The following CTBP1 variants were observed in gnomAD, a reference collection of about 807,000 sequenced individuals.
The protein encoded by CTBP1 is C-terminal-binding protein 1.
CTBP1 carries 11 observed loss-of-function variants against 42.1 expected under a neutral mutation model. The observed-to-expected ratio is 0.26, with a 90% CI of 0.16 to 0.43. The LOEUF is 0.43. Among genes scored for constraint, CTBP1 ranks in the 20% least tolerant of loss-of-function variants. The pLI is 1.00. For missense variants in CTBP1, 399 were observed against 624.3 expected (o/e 0.64, Z 3.85); for synonymous variants, 324 against 277.1 (o/e 1.17, Z -1.68).
intron 7 of CTBP1, 52 bp from the exon 8 acceptor site, chr4:1,213,657 C>A (rs375802222): frequency 5.1e-6 from 8 of 1,584,142 alleles, no homozygotes; most frequent in Middle Eastern, 1.8e-4. Context: ...TGGCTGGGTA[C>A]GGAGGGGAGG....
intron 1 of CTBP1, 72 bp downstream of exon 1, chr4:1,248,844 C>A: frequency 1.1e-6 from 1 of 910,040 alleles, no homozygotes; most frequent in Non-Finnish European, 1.3e-6. Flanking sequence ...GCCCCCGCGC[C>A]CCCCGCCCGC....
chr4:1,243,937 G>A (rs1732447385), intron 1 of CTBP1: 3 of 985,328 alleles, frequency 3.0e-6, no homozygotes, highest in African/African-American at 1.7e-5. Flanking sequence ...AGCACTCAAG[G>A]GACCCACGAG....
intron 1 of CTBP1, chr4:1,245,531 C>G: frequency 1.0e-6 from 1 of 985,372 alleles, no homozygotes; most frequent in East Asian, 1.1e-4. Flanking sequence ...AGCCCCCACA[C>G]CACAGACGGG....
intron 1 of CTBP1, among the ~76,000 whole-genome samples, chr4:1,247,776 G>GT (rs1732885780): frequency 6.6e-6 from 1 of 151,592 alleles, no homozygotes; most frequent in Admixed American, 6.6e-5. Context: ...GAGGGGGGGG[G>GT]GGCTCGGGCT....
upstream of CTBP1, chr4:1,249,653 C>T (rs1178875551): frequency 2.3e-6 from 1 of 426,712 alleles, no homozygotes; most frequent in South Asian, 1.6e-5. Flanking sequence ...ATTTACCGTC[C>T]GAGAGCCGGC....
chr4:1,217,078 G>A (rs1176261151), intron 5 of CTBP1: 1 of 152,450 alleles, frequency 6.6e-6, no homozygotes, highest in African/African-American at 2.4e-5. Context: ...GGAGACATAA[G>A]GGGACAGGAA....
intron 2 of CTBP1, among the ~76,000 whole-genome samples, chr4:1,239,824 G>C (rs1482361515): frequency 1.3e-5 from 2 of 152,220 alleles, no homozygotes; most frequent in Admixed American, 6.5e-5. Flanking sequence ...CCAAACGTGA[G>C]GTCTGCACGG....
rs891033621 is a variant in CTBP1 at position 1,238,434 on chromosome 4, G to A, written c.8-97C>T. 2.7e-5 allele frequency: 38 copies of A among 1,399,808 alleles called. No homozygotes were observed. In the Admixed American group the frequency reaches 4.6e-4, roughly 17 times the overall value. 86.7% of individuals were successfully genotyped at this position (1,399,808 alleles called of 1,614,324 possible). On this transcript the variant is annotated intron_variant, in intron 2 of 9. Coordinates refer to ENST00000382952, the MANE Select transcript of CTBP1 (RefSeq NM_001012614.2). The surrounding 1 kb of genome is among the most constrained non-coding windows in gnomAD (Gnocchi z 5.9). ...CACTGTGCACGGGCCAACGAGGGCC[G>A]ACCGCCGGGGGTTTTCTGGTCTATA...
chr4:1,216,010 T>C lies in CTBP1; in HGVS notation c.710A>G (p.Asn237Ser). 1 of 1,611,062 alleles carries C rather than the reference T, an allele frequency of 6.2e-7. No homozygotes were observed. The highest frequency in any genetic ancestry group is 8.5e-7 in the Non-Finnish European group (1 of 1,179,620). Residue 237 changes from asparagine (N) to serine (S), a missense_variant, in exon 6 of 10, where the codon AAC (asparagine) becomes AGC (serine). Transcript: ENST00000382952. Reference sequence around the variant, plus strand: ...ACGCACCTGCTTGACGGTGAAGTCGTTGATGAGGTGGTGGTTGTGCTCGTT... The same window carrying C: ...ACGCACCTGCTTGACGGTGAAGTCGCTGATGAGGTGGTGGTTGTGCTCGTT... Reference protein sequence around the residue: ...GLNEHNHHLINDFTVKQMRQG... With the variant: ...GLNEHNHHLISDFTVKQMRQG...
At chr4:1,214,623 G>A (rs1483533489) in intron 6 of CTBP1, 150 bp from the exon 7 acceptor site, 1 of 1,023,302 alleles carries the variant, frequency 9.8e-7, no homozygotes, top group Non-Finnish European at 1.4e-6. Context: ...CGCTAGGACT[G>A]AAGGCCTCGG....
intron 1 of CTBP1, chr4:1,248,674 G>A (rs1253009196): frequency 4.1e-6 from 4 of 983,272 alleles, no homozygotes; most frequent in African/African-American, 1.8e-5. Flanking sequence ...CACGGGCCGC[G>A]GGCGGGGAGA....
At chr4:1,214,567 C>T (rs1728901626) in intron 6 of CTBP1, 94 bp from the exon 7 acceptor site, 6 of 1,434,864 alleles carry the variant, frequency 4.2e-6, no homozygotes, top group Non-Finnish European at 4.6e-6. Context: ...GTTGGGAAGG[C>T]CCAGCTCCCT....
rs951450518 is a variant in CTBP1 at position 1,245,329 on chromosome 4, A to C, written c.-189+3587T>G. The stretch of plus-strand genomic sequence containing the variant: ...GAGCCGCACGTTTCCCTGTTTGTTC[A>C]GCGAGCACATGCACACAACCTGTGA... On this transcript the variant is annotated intron_variant, in intron 1 of 9. Transcript: ENST00000382952. 1.8e-5 allele frequency: 18 copies of C among 985,338 alleles called. No individual in the cohort carries two copies. In the African/African-American group the frequency reaches 3.1e-4, roughly 17 times the overall value. 61.0% of individuals were successfully genotyped at this position (985,338 alleles called of 1,614,324 possible).
Position 1,213,533 on chromosome 4 carries a change from C to T in CTBP1, c.933G>A (p.Gln311=). ...CTPHAAWYSE[Q]ASIEMREEAA... Reference sequence around the variant, plus strand: ...CCTCCTCTCGCATCTCGATGGATGCCTGCTCGCTGTACCATGCAGCATGGG... The same window carrying T: ...CCTCCTCTCGCATCTCGATGGATGCTTGCTCGCTGTACCATGCAGCATGGG... Residue 311 remains glutamine (Q), a synonymous_variant, in exon 8 of 10, where the codon CAG becomes CAA. Coordinates refer to ENST00000382952, the MANE Select transcript of CTBP1 (RefSeq NM_001012614.2). 1 of 1,613,202 alleles carries T rather than the reference C, an allele frequency of 6.2e-7. No individual in the cohort carries two copies. Among genetic ancestry groups the T allele is most frequent in the Non-Finnish European group, 8.5e-7 (1 of 1,179,946 alleles).
intron 5 of CTBP1, among the ~76,000 whole-genome samples, chr4:1,223,933 T>C (rs1037354664): frequency 1.3e-5 from 2 of 152,214 alleles, no homozygotes; most frequent in Non-Finnish European, 2.9e-5. Context: ...GGGCCCAGGA[T>C]AGGCGGCTGC....
Position 1,238,461 on chromosome 4 carries a change from GTTGTGATA to G in CTBP1, c.8-132_8-125del. ...CCGCCGGGGGTTTTCTGGTCTATATGTTGTGATATTTGTAAAAAGTAAATTAAAAATCC... is the reference window on the plus strand; with the variant it reads ...CCGCCGGGGGTTTTCTGGTCTATATGTTTGTAAAAAGTAAATTAAAAATCC... On this transcript the variant is annotated intron_variant, in intron 2 of 9. Transcript: ENST00000382952. The surrounding 1 kb of genome is among the most constrained non-coding windows in gnomAD (Gnocchi z 5.9). 1 of 1,144,944 alleles carries G rather than the reference GTTGTGATA, an allele frequency of 8.7e-7. No homozygotes were observed. The highest frequency in any genetic ancestry group is 1.2e-6 in the Non-Finnish European group (1 of 839,222). 70.9% of individuals were successfully genotyped at this position (1,144,944 alleles called of 1,614,324 possible).
At chr4:1,234,101 C>A (rs1418914442) in intron 3 of CTBP1, among the ~76,000 whole-genome samples, 2 of 152,204 alleles carry the variant, frequency 1.3e-5, no homozygotes, top group East Asian at 3.9e-4. Flanking sequence ...CCTTTGGCCA[C>A]CCCTAGTGGC....
Position 1,212,924 on chromosome 4 carries a change from C to A in CTBP1, c.1095G>T (p.Gly365=). The A allele has an allele frequency of 6.2e-7, 1 of 1,613,648 alleles. No homozygotes were observed. Among genetic ancestry groups the A allele is most frequent in the Non-Finnish European group, 8.5e-7 (1 of 1,179,938 alleles). ...GCGGGCCTGCTCACCTATAGGCAGC[C>A]CCATTGAGCTCAGGGTGCACGACGG... ...DPAVVHPELN[G]AAYRYPPGVV... Residue 365 remains glycine (G), a synonymous_variant, in exon 9 of 10, where the codon GGG becomes GGT. Transcript: ENST00000382952.
intron 1 of CTBP1, chr4:1,244,568 T>C (rs1732526303): frequency 1.0e-6 from 1 of 985,044 alleles, no homozygotes; most frequent in Non-Finnish European, 1.2e-6. Flanking sequence ...ACCAGGACAG[T>C]GTCCCAAAAG....
Sources: gnomAD v4.1 joint callset for allele counts (sites outside exome capture counted in the v4.1 genomes callset) on GRCh38, gnomAD v4.1.1 for gene constraint, Gnocchi (gnomAD v3.1) non-coding constraint, MANE v1.5 for transcripts, NCBI Gene and HGNC (gene_info 2026-07-23, HGNC 2026-07-21) for gene names.